The following SMARCD3 variants were observed in gnomAD, a reference collection of about 807,000 sequenced individuals.
The protein encoded by SMARCD3 is SWI/SNF related BAF chromatin remodeling complex subunit D3, also known as SWI/SNF-related matrix-associated actin-dependent regulator of chromatin subfamily D member 3.
Under a neutral mutation model 58.0 loss-of-function variants are expected in SMARCD3, and 14 were observed. The observed-to-expected ratio is 0.24, with a 90% confidence interval of 0.16 to 0.38. The LOEUF is 0.38. Among genes scored for constraint, SMARCD3 ranks in the 10% least tolerant of loss-of-function variants. The probability of loss-of-function intolerance (pLI) is 1.00; values close to 1 mark genes in which losing one functional copy is unlikely to be tolerated. For missense variants in SMARCD3, 408 were observed against 636.9 expected, an observed-to-expected ratio of 0.64 and a Z score of 3.87; for synonymous variants, 253 against 253.8, an observed-to-expected ratio of 1.00 and a Z score of 0.03.
intron 2 of SMARCD3, among the ~76,000 whole-genome samples, chr7:151,263,094 C>A (rs1803969206): frequency 6.6e-6 from 1 of 152,030 alleles, no homozygotes; most frequent in Non-Finnish European, 1.5e-5. Flanking sequence ...GAAACTGAGG[C>A]CTAAGGAAGC....
rs1803115496 is a variant in SMARCD3 at position 151,243,679 on chromosome 7, C to T, written c.313G>A (p.Asp105Asn). 6.2e-7 allele frequency: 1 copy of T among 1,611,036 alleles called. No homozygotes were observed. Among genetic ancestry groups the T allele is most frequent in the African/African-American group, 1.3e-5 (1 of 74,842 alleles). Residue 105 changes from aspartate to asparagine, a missense_variant, in exon 3 of 13, where the codon GAC (aspartate) becomes AAC (asparagine). Asp to Asn is a conservative substitution (Grantham distance 23, BLOSUM62 1). This residue lies in a region of SMARCD3 where 128 missense variants were observed against 188.8 expected (regional missense o/e 0.68). Coordinates refer to ENST00000262188, the MANE Select transcript of SMARCD3 (RefSeq NM_001003801.2). The surrounding 1 kb of genome is among the most constrained non-coding windows in gnomAD (Gnocchi z 4.4). ...CTCACCCTTTGAGGGAGGATTTTGT[C>T]AGCCATCTTCCTCCTCTTGGCACTG... ...SRSAKRRKMADKILPQRIREL... is the reference protein window; with the variant it reads ...SRSAKRRKMANKILPQRIREL...
chr7:151,269,342 A>G (rs1483756675), intron 2 of SMARCD3, among the ~76,000 whole-genome samples: 1 of 152,164 alleles, frequency 6.6e-6, no homozygotes, highest in African/African-American at 2.4e-5. Flanking sequence ...CTTCAAGCCT[A>G]CACACCCTCG....
chr7:151,258,370 G>T (rs1007850522), intron 2 of SMARCD3, among the ~76,000 whole-genome samples: 6 of 152,106 alleles, frequency 3.9e-5, no homozygotes, highest in African/African-American at 1.2e-4. Flanking sequence ...TTCGAGAGCA[G>T]CCTGGCCAAC....
At chr7:151,264,090 A>C (rs1804007817) in intron 2 of SMARCD3, among the ~76,000 whole-genome samples, 1 of 135,826 alleles carries the variant, frequency 7.4e-6, no homozygotes, top group Non-Finnish European at 1.5e-5. Context: ...ACATAGTCTC[A>C]CTCTGTCACC....
chr7:151,274,706 G>A (rs575929312), intron 2 of SMARCD3, among the ~76,000 whole-genome samples: 114 of 152,374 alleles, frequency 7.5e-4, no homozygotes, highest in Non-Finnish European at 1.2e-3. Context: ...GTATGTGCAC[G>A]CTTCTTCATG....
Position 151,239,195 on chromosome 7 carries a change from C to G in SMARCD3, c.1399-39G>C, listed in dbSNP as rs1267545823. The G allele has an allele frequency of 6.2e-7, 1 of 1,607,288 alleles. No individual in the cohort carries two copies. Among genetic ancestry groups the G allele is most frequent in the Non-Finnish European group, 8.5e-7 (1 of 1,173,944 alleles). ...GAGAACAGGAGCAGGTGTCAGTGTT[C>G]TGGTGAGTGATCAGGACAATCCCAC... On this transcript the variant is annotated intron_variant, in intron 12 of 12. Transcript: ENST00000262188. The surrounding 1 kb of genome is among the most constrained non-coding windows in gnomAD (Gnocchi z 7.0).
chr7:151,250,492 C>A (rs1450961597), upstream of SMARCD3, among the ~76,000 whole-genome samples: 1 of 151,784 alleles, frequency 6.6e-6, no homozygotes, highest in Non-Finnish European at 1.5e-5. Context: ...CATTTCTTAG[C>A]CCCTGCCCCC....
At chr7:151,265,617 A>G (rs1030554761) in intron 2 of SMARCD3, among the ~76,000 whole-genome samples, 17 of 152,346 alleles carry the variant, frequency 1.1e-4, no homozygotes, top group African/African-American at 3.8e-4. Flanking sequence ...GGTTTGCCCG[A>G]TGAAAGCAAG....
At chr7:151,255,234 C>T (rs1167336875) in intron 2 of SMARCD3, among the ~76,000 whole-genome samples, 1 of 152,204 alleles carries the variant, frequency 6.6e-6, no homozygotes, top group Non-Finnish European at 1.5e-5. Context: ...CATCTCTCCC[C>T]AGCCCCTGAA....
At chr7:151,268,312 C>T (rs960471573) in intron 2 of SMARCD3, among the ~76,000 whole-genome samples, 12 of 152,190 alleles carry the variant, frequency 7.9e-5, no homozygotes, top group African/African-American at 2.2e-4. Context: ...TAGAGACAAT[C>T]GGGTGGAGCT....
At chr7:151,265,140 C>T (rs1286523040) in intron 2 of SMARCD3, among the ~76,000 whole-genome samples, 1 of 152,206 alleles carries the variant, frequency 6.6e-6, no homozygotes, top group East Asian at 1.9e-4. Flanking sequence ...TGTTGGAGTC[C>T]TAACCCCTAA....
chr7:151,239,809 G>T lies in SMARCD3; in HGVS notation c.1174-63C>A. 1.3e-6 allele frequency: 2 copies of T among 1,485,644 alleles called. No individual in the cohort carries two copies. The highest frequency in any genetic ancestry group is 1.9e-6 in the Non-Finnish European group (2 of 1,070,120). The allele number at this position is 1,485,644 out of a possible 1,614,324, so 92.0% of individuals were successfully genotyped here. On this transcript the variant is annotated intron_variant, in intron 10 of 12. Coordinates refer to ENST00000262188, the MANE Select transcript of SMARCD3 (RefSeq NM_001003801.2). The surrounding 1 kb of genome is among the most constrained non-coding windows in gnomAD (Gnocchi z 7.0). ...GGTGATGTGGGAGACGAGGGGAAAGGAAGCGGGTGGGAAGGGGAGGGAGAG... is the reference window on the plus strand; with the variant it reads ...GGTGATGTGGGAGACGAGGGGAAAGTAAGCGGGTGGGAAGGGGAGGGAGAG...
Position 151,240,006 on chromosome 7 carries a change from T to TA in SMARCD3, c.1173+105dup, listed in dbSNP as rs61356147. 856 of 1,140,054 alleles carry TA rather than the reference T, an allele frequency of 7.5e-4. 3 individuals are homozygous for TA. Among genetic ancestry groups the TA allele is most frequent in the East Asian group, 2.4e-3 (95 of 39,708 alleles). 70.6% of individuals were successfully genotyped at this position (1,140,054 alleles called of 1,614,324 possible). On this transcript the variant is annotated intron_variant, in intron 10 of 12. Transcript: ENST00000262188. ...CTGGTCTCTTTTTTTTTTTTTTTTT[T>TA]AATTTAACCCAGACTGCTCATCTGC... is the stretch of plus-strand genomic sequence containing the variant.
intron 1 of SMARCD3, among the ~76,000 whole-genome samples, chr7:151,247,162 G>A (rs1309382718): frequency 6.6e-6 from 1 of 152,114 alleles, no homozygotes; most frequent in African/African-American, 2.4e-5. Flanking sequence ...TGGAGCCCAG[G>A]CCTGGCCACC....
intron 2 of SMARCD3, among the ~76,000 whole-genome samples, chr7:151,259,740 G>T (rs1803855582): frequency 6.7e-6 from 1 of 149,694 alleles, no homozygotes; most frequent in Non-Finnish European, 1.5e-5. Context: ...CTCCCAAGTA[G>T]CTGGGATTAC....
chr7:151,267,751 C>A (rs539195269), intron 2 of SMARCD3, among the ~76,000 whole-genome samples: 1 of 152,216 alleles, frequency 6.6e-6, no homozygotes, highest in East Asian at 1.9e-4. Flanking sequence ...CTGAGGTGGG[C>A]GGATTGCTTG....
intron 10 of SMARCD3, 21 bp downstream of exon 10, chr7:151,240,091 A>T: frequency 6.2e-7 from 1 of 1,612,386 alleles, no homozygotes; most frequent in Non-Finnish European, 8.5e-7. Context: ...GTCCCACTCC[A>T]GCTCTGGGCT....
intron 2 of SMARCD3, among the ~76,000 whole-genome samples, chr7:151,272,859 T>C (rs1171226779): frequency 6.6e-6 from 1 of 152,194 alleles, no homozygotes. Context: ...TTGGCCCCTC[T>C]GGTACAGCAA....
intron 2 of SMARCD3, among the ~76,000 whole-genome samples, chr7:151,259,435 A>G (rs1803830509): frequency 8.2e-6 from 1 of 122,490 alleles, no homozygotes; most frequent in Non-Finnish European, 1.8e-5. Flanking sequence ...GTGTTTCTAA[A>G]GGAGGCAGGG....
Sources: gnomAD v4.1 joint callset for allele counts (sites outside exome capture counted in the v4.1 genomes callset) on GRCh38, gnomAD v4.1.1 for gene constraint, gnomAD v4.1.1 regional missense constraint, Gnocchi (gnomAD v3.1) non-coding constraint, MANE v1.5 for transcripts, NCBI Gene and HGNC (gene_info 2026-07-23, HGNC 2026-07-21) for gene names.